IMPG2: variants seen among roughly 807,000 people sequenced by gnomAD.
IMPG2 encodes the protein interphotoreceptor matrix proteoglycan 2.
IMPG2 carries 91 observed loss-of-function variants against 129.2 expected under a neutral mutation model. That is an observed-to-expected ratio of 0.70 (90% confidence interval 0.59 to 0.84). The LOEUF is 0.84. IMPG2 is among the 40% of genes least tolerant of loss of function. IMPG2 has a pLI of 0.00. For missense variants in IMPG2, 1,430 were observed against 1,461.7 expected (o/e 0.98, Z 0.35); for synonymous variants, 510 against 517.7 (o/e 0.99, Z 0.20).
intron 13 of IMPG2, among the ~76,000 whole-genome samples, chr3:101,243,169 T>TA (rs1268947530): frequency 6.6e-6 from 1 of 152,220 alleles, no homozygotes; most frequent in Non-Finnish European, 1.5e-5. Flanking sequence ...TCAGAGAGTT[T>TA]ATTCTCTGTT....
intron 3 of IMPG2, among the ~76,000 whole-genome samples, chr3:101,293,348 C>T (rs1214923208): frequency 6.6e-6 from 1 of 152,086 alleles, no homozygotes; most frequent in Non-Finnish European, 1.5e-5. Context: ...CATCAGAGCT[C>T]TTGGGTGGCT....
In IMPG2 at chr3:101,257,745, A is replaced by G. The variant is rs1186127121; in HGVS notation, c.937T>C (p.Phe313Leu). 1.2e-6 allele frequency: 2 copies of G among 1,613,254 alleles called. No homozygotes were observed. The highest frequency in any genetic ancestry group is 1.7e-6 in the Non-Finnish European group (2 of 1,179,454). ...SGVDVYYAVT[F>L]NGEAISNTTW... ...GTATTGCTGATGGCCTCACCATTGAAGGTAACTGCATAGTAAACATCTACG... is the reference window on the plus strand; with the variant it reads ...GTATTGCTGATGGCCTCACCATTGAGGGTAACTGCATAGTAAACATCTACG... Residue 313 changes from phenylalanine to leucine, a missense_variant, in exon 10 of 19, where the codon TTC (phenylalanine) becomes CTC (leucine). By Grantham distance (22) the Phe-to-Leu change is conservative. Coordinates refer to ENST00000193391, the MANE Select transcript of IMPG2 (RefSeq NM_016247.4).
chr3:101,290,691 A>G (rs1439536964), intron 4 of IMPG2, among the ~76,000 whole-genome samples: 1 of 152,094 alleles, frequency 6.6e-6, no homozygotes, highest in Non-Finnish European at 1.5e-5. Context: ...AAACCTGGAT[A>G]TACCCCACTA....
intron 2 of IMPG2, among the ~76,000 whole-genome samples, chr3:101,318,787 T>C (rs2058797064): frequency 6.6e-6 from 1 of 152,116 alleles, no homozygotes; most frequent in African/African-American, 2.4e-5. Context: ...AAAAGCAAAG[T>C]TTGGGAATCC....
intron 4 of IMPG2, among the ~76,000 whole-genome samples, chr3:101,290,352 A>G (rs1026691493): frequency 1.3e-4 from 20 of 152,092 alleles, no homozygotes; most frequent in African/African-American, 4.6e-4. Context: ...ACAGAAAAAT[A>G]CAAAAAAGTT....
intron 3 of IMPG2, among the ~76,000 whole-genome samples, chr3:101,292,383 G>T (rs1707028341): frequency 6.6e-6 from 1 of 151,988 alleles, no homozygotes; most frequent in African/African-American, 2.4e-5. Context: ...CATATTTTTT[G>T]GTTTCCTAGT....
In IMPG2 at chr3:101,319,570, GGATGTTCGCTTAC is replaced by G. The variant is rs1205548457; in HGVS notation, c.334+1_334+13del. On this transcript the variant is annotated splice_donor_variant and splice_donor_5th_base_variant and intron_variant, in intron 2 of 18. Transcript: ENST00000193391. LOFTEE classifies it high-confidence loss of function. The stretch of plus-strand genomic sequence containing the variant: ...ATTTCATTATGGAGCTGAAGGATTT[GGATGTTCGCTTAC>G]CTCGGACTTTAAAATACTTCACATG... 3.7e-6 allele frequency: 6 copies of G among 1,612,758 alleles called. No homozygotes were observed. The highest frequency in any genetic ancestry group is 5.1e-6 in the Non-Finnish European group (6 of 1,179,358).
intron 2 of IMPG2, 97 bp downstream of exon 2, chr3:101,319,486 TA>T: frequency 1.4e-6 from 2 of 1,453,230 alleles, no homozygotes; most frequent in Non-Finnish European, 1.9e-6. Context: ...CAGTCCTGTC[TA>T]AATTATCGTA....
At chr3:101,242,950 A>G (rs781550277) in intron 13 of IMPG2, 43 bp from the exon 14 acceptor site, 4 of 1,492,502 alleles carry the variant, frequency 2.7e-6, no homozygotes, top group Non-Finnish European at 3.7e-6. Context: ...AGCGTGTCAC[A>G]TTTTGTTCAA....
intron 2 of IMPG2, among the ~76,000 whole-genome samples, chr3:101,316,798 T>G (rs939141121): frequency 6.6e-6 from 1 of 152,100 alleles, no homozygotes; most frequent in Non-Finnish European, 1.5e-5. Flanking sequence ...TGACCATAAT[T>G]TCTTTTCTTG....
chr3:101,284,750 T>G (rs1366582378), intron 4 of IMPG2, among the ~76,000 whole-genome samples: 2 of 152,208 alleles, frequency 1.3e-5, no homozygotes, highest in African/African-American at 2.4e-5. Flanking sequence ...CAATGCCATC[T>G]GCTTACTGTA....
In IMPG2 at chr3:101,243,711, A is replaced by C. The variant is rs1706435784; in HGVS notation, c.2620T>G (p.Ser874Ala). The C allele has an allele frequency of 1.2e-6, 2 of 1,614,032 alleles. No homozygotes were observed. Among genetic ancestry groups the C allele is most frequent in the African/African-American group, 2.7e-5 (2 of 75,052 alleles). ...CAAGCCACACTAACCATCTCTGTGG[A>C]GTGAACACTTGTTGACATTTCCACA... Reference protein sequence around the residue: ...SYVEMSTSVHSTEMVSVAWPT... With the variant: ...SYVEMSTSVHATEMVSVAWPT... Residue 874 changes from serine (S) to alanine (A), a missense_variant, in exon 13 of 19, where the codon TCC becomes GCC. Physicochemically the swap from Ser to Ala is moderately conservative, Grantham distance 99. Coordinates refer to ENST00000193391, the MANE Select transcript of IMPG2 (RefSeq NM_016247.4).
chr3:101,298,163 T>C (rs541259328), intron 3 of IMPG2, among the ~76,000 whole-genome samples: 2 of 152,350 alleles, frequency 1.3e-5, no homozygotes, highest in South Asian at 4.1e-4. Flanking sequence ...TGCCCTTCTT[T>C]GTCTTTTTTT....
chr3:101,310,568 A>C (rs1205167249), intron 2 of IMPG2, among the ~76,000 whole-genome samples: 1 of 14,314 alleles, frequency 7.0e-5, no homozygotes, highest in African/African-American at 1.3e-4. Context: ...TCAAAAAAAA[A>C]AAAAAAAAAA....
chr3:101,241,652 T>C (rs1171773499), intron 14 of IMPG2, among the ~76,000 whole-genome samples: 1 of 152,010 alleles, frequency 6.6e-6, no homozygotes, highest in African/African-American at 2.4e-5. Flanking sequence ...GAGCATGGAT[T>C]TGAGATATAC....
Position 101,224,815 on chromosome 3 carries a change from G to C in IMPG2, c.*2154C>G, listed in dbSNP as rs2107198411. 6.6e-6 allele frequency: 1 copy of C among 152,362 alleles called. No homozygotes were observed. The highest frequency in any genetic ancestry group is 1.9e-4 in the East Asian group (1 of 5,188). 9.4% of individuals were successfully genotyped at this position (152,362 alleles called of 1,614,324 possible). A position where few individuals can be genotyped will look rare whatever the true frequency, so the allele number is the denominator to read the frequency against. On this transcript the variant is annotated 3_prime_UTR_variant, in exon 19 of 19. Transcript: ENST00000193391. ...TTGGTGTGGAGCAGACATTCATGAAGAGCTAAGTGTTTTGCTCTTGCATGA... is the reference window on the plus strand; with the variant it reads ...TTGGTGTGGAGCAGACATTCATGAACAGCTAAGTGTTTTGCTCTTGCATGA...
At chr3:101,266,451 C>T (rs1190766738) in intron 9 of IMPG2, among the ~76,000 whole-genome samples, 1 of 152,150 alleles carries the variant, frequency 6.6e-6, no homozygotes, top group Non-Finnish European at 1.5e-5. Context: ...ACTGTAGGAG[C>T]CTTTTCCCCC....
At chr3:101,284,734 C>T (rs1443154604) in intron 4 of IMPG2, among the ~76,000 whole-genome samples, 1 of 152,200 alleles carries the variant, frequency 6.6e-6, no homozygotes, top group Non-Finnish European at 1.5e-5. Flanking sequence ...GATTTCAATG[C>T]ACTTCCAATG....
chr3:101,260,141 T>A (rs62282872), intron 9 of IMPG2, among the ~76,000 whole-genome samples: 1 of 151,990 alleles, frequency 6.6e-6, no homozygotes, highest in African/African-American at 2.4e-5. Context: ...ACGTGACACT[T>A]CCACCTGCCA....
Sources: gnomAD v4.1 joint callset for allele counts (sites outside exome capture counted in the v4.1 genomes callset) on GRCh38, gnomAD v4.1.1 for gene constraint, MANE v1.5 for transcripts, NCBI Gene and HGNC (gene_info 2026-07-23, HGNC 2026-07-21) for gene names.